NEK9: variants seen among roughly 807,000 people sequenced by gnomAD.
NEK9 encodes serine/threonine-protein kinase Nek9.
Under a neutral mutation model 123.4 loss-of-function variants are expected in NEK9, and 75 were observed. The ratio of observed to expected loss-of-function variants is 0.61; its 90% CI spans 0.50 to 0.74. NEK9 has a LOEUF of 0.74. NEK9 is among the 30% of genes least tolerant of loss of function. NEK9 has a pLI of 0.00. For synonymous variants in NEK9, 438 were observed against 458.7 expected, an observed-to-expected ratio of 0.95 and a Z score of 0.58; for missense variants, 952 against 1,214.4, an observed-to-expected ratio of 0.78 and a Z score of 3.21.
At chr14:75,105,350 C>T (rs1894735445) in intron 13 of NEK9, among the ~76,000 whole-genome samples, 1 of 151,310 alleles carries the variant, frequency 6.6e-6, no homozygotes, top group Non-Finnish European at 1.5e-5. Flanking sequence ...ACACTGCTAA[C>T]AATAAATGGT....
chr14:75,116,457 CT>C, intron 6 of NEK9: 2 of 355,816 alleles, frequency 5.6e-6, no homozygotes, highest in Non-Finnish European at 1.2e-5. Context: ...CTTTTGCTCC[CT>C]TCCATTCTGT....
intron 17 of NEK9, 33 bp from the exon 18 acceptor site, chr14:75,095,464 A>G: frequency 6.8e-7 from 1 of 1,472,446 alleles, no homozygotes. Flanking sequence ...TAAGCACTGT[A>G]TACTGATATA....
At chr14:75,106,170 C>T in intron 12 of NEK9, 174 bp from the exon 13 acceptor site, 1 of 630,638 alleles carries the variant, frequency 1.6e-6, no homozygotes, top group East Asian at 2.8e-5. Flanking sequence ...CAAGCCTGGC[C>T]AGTGTGGTGA....
At chr14:75,103,734 A>G in intron 14 of NEK9, 108 bp downstream of exon 14, 2 of 1,243,892 alleles carry the variant, frequency 1.6e-6, no homozygotes, top group Non-Finnish European at 2.2e-6. Flanking sequence ...CTATGAGACC[A>G]TAACTAAAGT....
rs868576160 is a variant in NEK9 at position 75,118,817 on chromosome 14, G to A, written c.630+13C>T. On this transcript the variant is annotated intron_variant, in intron 5 of 21. Coordinates refer to ENST00000238616, the MANE Select transcript of NEK9 (RefSeq NM_033116.6). ...GAAAATAAAATAAAAATTAAGACAA[G>A]GGCAACACATACCGTCTCAGCCATG... is the stretch of plus-strand genomic sequence containing the variant. 12 of 1,406,778 alleles carry A rather than the reference G, an allele frequency of 8.5e-6. No individual in the cohort carries two copies. The Middle Eastern group carries it at 8.9e-4, about 104-fold the overall frequency. 87.1% of individuals were successfully genotyped at this position (1,406,778 alleles called of 1,614,324 possible).
In NEK9 at chr14:75,117,202, T is replaced by C; in HGVS notation, c.755A>G (p.Asp252Gly). 6.2e-7 allele frequency: 1 copy of C among 1,612,574 alleles called. No individual in the cohort carries two copies. Among genetic ancestry groups the C allele is most frequent in the Non-Finnish European group, 8.5e-7 (1 of 1,179,646 alleles). ...FELLTLKRTF[D>G]ATNPLNLCVK... ...GATAATATGCCAACTTACTGTAGCATCAAACGTCCTCTTTAAGGTAAGCAG... is the reference window on the plus strand; with the variant it reads ...GATAATATGCCAACTTACTGTAGCACCAAACGTCCTCTTTAAGGTAAGCAG... Residue 252 changes from aspartate to glycine, a missense_variant, in exon 6 of 22, where the codon GAT becomes GGT. Transcript: ENST00000238616.
chr14:75,107,839 A>G (rs918860213), intron 10 of NEK9, among the ~76,000 whole-genome samples: 1 of 152,230 alleles, frequency 6.6e-6, no homozygotes, highest in African/African-American at 2.4e-5. Context: ...GCCAACAGGT[A>G]AAGAAAACTT....
upstream of NEK9, chr14:75,127,199 C>T (rs12889309): frequency 0.49 from 187,115 of 385,018 alleles, 48,151 homozygotes; most frequent in East Asian, 0.83. Context: ...CTAGGGTTGG[C>T]GGGCGCGTGG....
chr14:75,101,597 C>A, intron 15 of NEK9, 60 bp downstream of exon 15: 2 of 1,158,030 alleles, frequency 1.7e-6, no homozygotes, highest in South Asian at 1.4e-5. Flanking sequence ...AACCTAATAC[C>A]TGATAGAATA....
At chr14:75,108,339 T>C (rs904175258) in intron 10 of NEK9, among the ~76,000 whole-genome samples, 1 of 152,076 alleles carries the variant, frequency 6.6e-6, no homozygotes, top group Non-Finnish European at 1.5e-5. Flanking sequence ...TTGGCCAGGC[T>C]GGTCTCGAAC....
At chr14:75,113,263 CTTTTAG>C in intron 8 of NEK9, 70 bp downstream of exon 8, 1 of 1,123,166 alleles carries the variant, frequency 8.9e-7, no homozygotes, top group Non-Finnish European at 1.3e-6. Context: ...ACTACTCTTT[CTTTTAG>C]TACTCTGATC....
rs1264082048 is a variant in NEK9, at chr14:75,101,166, C to A, written c.1841-13G>T. On this transcript the variant is annotated splice_polypyrimidine_tract_variant and intron_variant, in intron 15 of 21. Transcript: ENST00000238616. ...AGCCGGCCTCGCTCTGAGAGAGAAG[C>A]AAAAAGAAATAACAAGGCACAAATG... The A allele has an allele frequency of 6.2e-7, 1 of 1,608,258 alleles. No individual in the cohort carries two copies. The highest frequency in any genetic ancestry group is 8.5e-7 in the Non-Finnish European group (1 of 1,177,718).
rs561049997 is a variant in NEK9 at position 75,086,962 on chromosome 14, T to G, written c.2817+56A>C. The G allele has an allele frequency of 2.6e-6, 4 of 1,532,024 alleles. No homozygotes were observed. In the African/African-American group the frequency reaches 5.5e-5, roughly 21 times the overall value. The allele number at this position is 1,532,024 out of a possible 1,614,324, so 94.9% of individuals were successfully genotyped here. ...TCTATTTCAGTACTTTGTGTTTTGT[T>G]TCTGTGATTCTTCAAAACAGGCTTA... On this transcript the variant is annotated intron_variant, in intron 21 of 21. Transcript: ENST00000238616.
Position 75,087,217 on chromosome 14 carries a change from T to A in NEK9, c.2618A>T (p.Asn873Ile). 1 of 1,610,802 alleles carries A rather than the reference T, an allele frequency of 6.2e-7. No individual in the cohort carries two copies. Among genetic ancestry groups the A allele is most frequent in the Non-Finnish European group, 8.5e-7 (1 of 1,177,270 alleles). ...PQVEASSPRL[N>I]PAVTCAGKGT... is the part of the protein sequence containing the mutation. ...CTTCCCAGCACAGGTTACTGCAGGA[T>A]TCAGCCGAGGTGACTAGAGAGACAA... The change falls in exon 21 of 22, where the codon AAT becomes ATT. Residue 873 changes from asparagine to isoleucine, a missense_variant. Transcript: ENST00000238616.
At chr14:75,089,634 C>G (rs1274666091) in intron 19 of NEK9, among the ~76,000 whole-genome samples, 1 of 152,112 alleles carries the variant, frequency 6.6e-6, no homozygotes, top group African/African-American at 2.4e-5. Flanking sequence ...CTCCTGGGCT[C>G]AAGTGATTCT....
Position 75,084,696 on chromosome 14 carries a change from T to C in NEK9, c.2818-10A>G, listed in dbSNP as rs1479264818. Reference sequence around the variant, plus strand: ...TGGAATGCATCCCCACCTGTCCGGATAAAACACGGTTCCACATTAGCAACA... The same window carrying C: ...TGGAATGCATCCCCACCTGTCCGGACAAAACACGGTTCCACATTAGCAACA... On this transcript the variant is annotated splice_polypyrimidine_tract_variant and intron_variant, in intron 21 of 21. Transcript: ENST00000238616. The C allele has an allele frequency of 1.2e-6, 2 of 1,613,912 alleles. No homozygotes were observed. Among genetic ancestry groups the C allele is most frequent in the East Asian group, 2.2e-5 (1 of 44,868 alleles).
In NEK9 at chr14:75,118,856, T is replaced by C; in HGVS notation, c.604A>G (p.Asn202Asp). 1 of 1,608,148 alleles carries C rather than the reference T, an allele frequency of 6.2e-7. No homozygotes were observed. Among genetic ancestry groups the C allele is most frequent in the Non-Finnish European group, 8.5e-7 (1 of 1,174,732 alleles). ...GTCTCAGCCATGGAATACTCAGAAT[T>C]AAGTTTCTTTGCTAGGCCATAATCT... ...LGDYGLAKKLNSEYSMAETLV... is the reference protein window; with the variant it reads ...LGDYGLAKKLDSEYSMAETLV... Residue 202 changes from asparagine to aspartate, a missense_variant, in exon 5 of 22, where the codon AAT becomes GAT. Physicochemically the swap from Asn to Asp is conservative, Grantham distance 23. Transcript: ENST00000238616.
At chr14:75,120,811 G>A in intron 3 of NEK9, 1 of 585,210 alleles carries the variant, frequency 1.7e-6, no homozygotes, top group Non-Finnish European at 3.0e-6. Flanking sequence ...TATATAGTAT[G>A]GTAAAGCAGA....
intron 21 of NEK9, chr14:75,086,799 G>A (rs553832555): frequency 3.7e-5 from 18 of 481,564 alleles, no homozygotes; most frequent in African/African-American, 1.8e-4. Context: ...CCAGCTACTC[G>A]GGAGGCTGAG....
Sources: gnomAD v4.1 joint callset for allele counts (sites outside exome capture counted in the v4.1 genomes callset) on GRCh38, gnomAD v4.1.1 for gene constraint, MANE v1.5 for transcripts, NCBI Gene and HGNC (gene_info 2026-07-23, HGNC 2026-07-21) for gene names.